MYO1A: variants seen among roughly 807,000 people sequenced by gnomAD.
MYO1A encodes the protein unconventional myosin-Ia.
A neutral mutation model predicts 138.5 loss-of-function variants in MYO1A; 127 were observed. The observed-to-expected ratio is 0.92, with a 90% confidence interval of 0.79 to 1.06. MYO1A has a LOEUF of 1.06. MYO1A is among the 50% of genes least tolerant of loss of function. The pLI is 0.00. For missense variants in MYO1A, 1,211 were observed against 1,288.8 expected (o/e 0.94, Z 0.92); for synonymous variants, 477 against 497.5 (o/e 0.96, Z 0.55).
chr12:57,046,020 T>C (rs1592483293), intron 8 of MYO1A, among the ~76,000 whole-genome samples: 1 of 152,194 alleles, frequency 6.6e-6, no homozygotes, highest in Non-Finnish European at 1.5e-5. Context: ...TGATCATAGG[T>C]GTTCAAGAGA....
At chr12:57,041,109 G>T in intron 14 of MYO1A, 75 bp downstream of exon 14, 1 of 1,104,446 alleles carries the variant, frequency 9.1e-7, no homozygotes, top group Non-Finnish European at 1.4e-6. Context: ...AGGAAATTGT[G>T]ATCAAGGAGA....
At chr12:57,045,397 G>T (rs1252454786) in intron 8 of MYO1A, among the ~76,000 whole-genome samples, 1 of 152,132 alleles carries the variant, frequency 6.6e-6, no homozygotes, top group African/African-American at 2.4e-5. Context: ...ACAAGGGCCT[G>T]CTAAGGAGGG....
intron 16 of MYO1A, 37 bp from the exon 17 acceptor site, chr12:57,038,675 A>G (rs1191109357): frequency 6.2e-7 from 1 of 1,611,722 alleles, no homozygotes; most frequent in Admixed American, 1.7e-5. Context: ...AGACCCCACA[A>G]CCTTGTCCCA....
intron 8 of MYO1A, among the ~76,000 whole-genome samples, chr12:57,045,705 C>A (rs530544776): frequency 1.3e-5 from 2 of 152,194 alleles, no homozygotes; most frequent in Non-Finnish European, 2.9e-5. Flanking sequence ...GTGCTCACAG[C>A]CAGAGAGGAG....
At chr12:57,033,364 C>G (rs1321918120) in intron 22 of MYO1A, among the ~76,000 whole-genome samples, 1 of 152,046 alleles carries the variant, frequency 6.6e-6, no homozygotes, top group Non-Finnish European at 1.5e-5. Context: ...GTTTTTGCCT[C>G]TTTTTTTGAG....
At chr12:57,035,359 A>T (rs1298481539) in intron 22 of MYO1A, among the ~76,000 whole-genome samples, 3 of 152,240 alleles carry the variant, frequency 2.0e-5, no homozygotes, top group Non-Finnish European at 4.4e-5. Context: ...GAAGGGGAAG[A>T]GGACGAGCAA....
At chr12:57,050,429 T>C (rs2031296389), upstream of MYO1A, among the ~76,000 whole-genome samples, 1 of 152,190 alleles carries the variant, frequency 6.6e-6, no homozygotes, top group Admixed American at 6.5e-5. Context: ...CTCATGCCTA[T>C]ACTCCCAGCA....
chr12:57,044,464 C>T (rs925880266), intron 8 of MYO1A, among the ~76,000 whole-genome samples: 3 of 152,226 alleles, frequency 2.0e-5, no homozygotes, highest in Non-Finnish European at 2.9e-5. Flanking sequence ...TCTCAGCTCA[C>T]TGCAAGCACC....
rs368822959 is a variant in MYO1A, at chr12:57,047,284, C to T, written c.430+19G>A. ...GGGGTTAGATGGAGGGTGGAGAGGG[C>T]AGAGAGCAGAATTCTCACCCTCCAG... On this transcript the variant is annotated intron_variant, in intron 5 of 27. Coordinates refer to ENST00000300119, the MANE Select transcript of MYO1A (RefSeq NM_005379.4). 2.1e-5 allele frequency: 34 copies of T among 1,604,424 alleles called. No homozygotes were observed. The highest frequency in any genetic ancestry group is 2.0e-4 in the African/African-American group (15 of 74,684).
chr12:57,050,593 GGATGTTAATGA>G (rs1183314114), upstream of MYO1A: 1 of 152,122 alleles, frequency 6.6e-6, no homozygotes, highest in Non-Finnish European at 1.5e-5. Context: ...GGGAGTCAGG[GGATGTTAATGA>G]GATTACTTGG....
intron 26 of MYO1A, 21 bp from the exon 27 acceptor site, chr12:57,029,280 G>T: frequency 6.2e-7 from 1 of 1,613,896 alleles, no homozygotes; most frequent in South Asian, 1.1e-5. Context: ...GGGAAAAATA[G>T]CAGGAAAGGG....
Position 57,047,993 on chromosome 12 carries a change from G to A in MYO1A, c.226C>T (p.His76Tyr), listed in dbSNP as rs1210262160. 3 of 1,613,238 alleles carry A rather than the reference G, an allele frequency of 1.9e-6. No homozygotes were observed. The highest frequency in any genetic ancestry group is 2.5e-6 in the Non-Finnish European group (3 of 1,179,192). ...QDYTFYELKP[H>Y]IYALANVAYQ... is the part of the protein sequence containing the mutation. ...TCCCTTGGTCCCCCTACTCACATAT[G>A]GGGCTTCAGCTCATAGAAAGTATAG... The change falls in exon 3 of 28, where the codon CAT (histidine) becomes TAT (tyrosine). Residue 76 changes from histidine to tyrosine, a missense_variant. Physicochemically the swap from His to Tyr is moderately conservative, Grantham distance 83 (BLOSUM62 2). Coordinates refer to ENST00000300119, the MANE Select transcript of MYO1A (RefSeq NM_005379.4).
chr12:57,041,616 A>G, intron 12 of MYO1A, 119 bp from the exon 13 acceptor site: 2 of 811,842 alleles, frequency 2.5e-6, no homozygotes, highest in Non-Finnish European at 4.3e-6. Flanking sequence ...GCTTTGCCAA[A>G]CTGGAAAGGA....
At position 57,033,499 on chromosome 12, in the gene MYO1A, G is replaced by A. The variant is rs1450878390; in HGVS notation, c.2350-2325C>T. 7.9e-5 allele frequency among the ~76,000 whole-genome samples: 12 copies of A among 152,112 alleles called. No individual in the cohort carries two copies. In the South Asian group the frequency reaches 2.5e-3, roughly 32 times the overall value. On this transcript the variant is annotated intron_variant, in intron 22 of 27. Coordinates refer to ENST00000300119, the MANE Select transcript of MYO1A (RefSeq NM_005379.4). ...AGCCTTCCAAGTAGCTGGGACTACA[G>A]GTATGAGCCACCACACCCACCTAAT...
chr12:57,038,250 C>T (rs942988999), intron 17 of MYO1A, among the ~76,000 whole-genome samples, 162 bp downstream of exon 17: 2 of 152,238 alleles, frequency 1.3e-5, no homozygotes, highest in African/African-American at 4.8e-5. Flanking sequence ...GATGCTCTCC[C>T]CCTGTGGGAC....
At chr12:57,033,890 T>TA (rs1184926113) in intron 22 of MYO1A, among the ~76,000 whole-genome samples, 2 of 152,232 alleles carry the variant, frequency 1.3e-5, no homozygotes, top group Non-Finnish European at 2.9e-5. Context: ...ACTGCAGGTC[T>TA]AGTGGGTTTG....
In MYO1A at chr12:57,037,983, T is replaced by G; in HGVS notation, c.1847A>C (p.Glu616Ala). 1.9e-6 allele frequency: 3 copies of G among 1,614,204 alleles called. No homozygotes were observed. The South Asian group carries it at 3.3e-5, about 18-fold the overall frequency. Residue 616 changes from glutamate (E) to alanine (A), a missense_variant, in exon 18 of 28, where the codon GAG (glutamate) becomes GCG (alanine). Physicochemically the swap from Glu to Ala is moderately radical, Grantham distance 107. Coordinates refer to ENST00000300119, the MANE Select transcript of MYO1A (RefSeq NM_005379.4). ...ATQARYLGLL[E>A]NVRVRRAGYA... Reference sequence around the variant, plus strand: ...GCCTGCCCGTCGCACCCGTACGTTCTCCAGCAGTCCCAGGTACCGAGCCTG... The same window carrying G: ...GCCTGCCCGTCGCACCCGTACGTTCGCCAGCAGTCCCAGGTACCGAGCCTG...
chr12:57,047,727 G>A lies in MYO1A; in HGVS notation c.231-6C>T. 1 of 1,614,148 alleles carries A rather than the reference G, an allele frequency of 6.2e-7. No homozygotes were observed. Among genetic ancestry groups the A allele is most frequent in the Non-Finnish European group, 8.5e-7 (1 of 1,180,030 alleles). On this transcript the variant is annotated splice_polypyrimidine_tract_variant and splice_region_variant and intron_variant, in intron 3 of 27. Coordinates refer to ENST00000300119, the MANE Select transcript of MYO1A (RefSeq NM_005379.4). ...CCACATTTGCCAATGCGTAGCTTGT[G>A]GGGAGGAAGTGGGCAATGACTATTG...
In MYO1A at chr12:57,041,624, G is replaced by T; in HGVS notation, c.1099-127C>A. ...AGCAAGAGCTTTGCCAAACTGGAAA[G>T]GAATTGTTGTGATTTTACTCTCCCT... On this transcript the variant is annotated intron_variant, in intron 12 of 27. Transcript: ENST00000300119. The T allele has an allele frequency of 3.8e-6, 3 of 783,648 alleles. No individual in the cohort carries two copies. In the South Asian group the frequency reaches 4.2e-5, roughly 11 times the overall value. 48.5% of individuals were successfully genotyped at this position (783,648 alleles called of 1,614,324 possible).
Sources: gnomAD v4.1 joint callset for allele counts (sites outside exome capture counted in the v4.1 genomes callset) on GRCh38, gnomAD v4.1.1 for gene constraint, MANE v1.5 for transcripts, NCBI Gene and HGNC (gene_info 2026-07-23, HGNC 2026-07-21) for gene names.